Variants in TPTE2 observed in about 807,000 individuals in gnomAD.
TPTE2 encodes transmembrane phosphoinositide 3-phosphatase and tensin homolog 2, also known as phosphatidylinositol 3,4,5-trisphosphate 3-phosphatase TPTE2.
A neutral mutation model predicts 78.6 loss-of-function variants in TPTE2; 53 were observed. The ratio of observed to expected loss-of-function variants is 0.67; its 90% CI spans 0.54 to 0.85. TPTE2 has a LOEUF of 0.85. TPTE2 is among the 40% of genes least tolerant of loss of function. TPTE2 has a pLI of 0.00. For missense variants in TPTE2, 461 were observed against 623.0 expected (o/e 0.74, Z 2.77); for synonymous variants, 175 against 206.2 (o/e 0.85, Z 1.30).
chr13:19,489,607 C>T (rs1261231730), intron 3 of TPTE2, among the ~76,000 whole-genome samples: 1 of 149,296 alleles, frequency 6.7e-6, no homozygotes, highest in African/African-American at 2.5e-5. Context: ...TATATATACA[C>T]ACATTTAAAT....
At chr13:19,443,737 TACACACACACACAC>T (rs373060672) in intron 13 of TPTE2, among the ~76,000 whole-genome samples, 67 of 129,864 alleles carry the variant, frequency 5.2e-4, no homozygotes, top group Admixed American at 7.6e-4. Context: ...TGGTAGCTAA[TACACACACACACAC>T]ACACACACAC....
chr13:19,445,567 AAGAC>A (rs1251655687), intron 13 of TPTE2, among the ~76,000 whole-genome samples: 10 of 152,240 alleles, frequency 6.6e-5, no homozygotes, highest in South Asian at 2.1e-4. Context: ...TCATTACCCT[AAGAC>A]AGAACAATTT....
chr13:19,473,112 G>C (rs1255868982), intron 6 of TPTE2, among the ~76,000 whole-genome samples: 4 of 152,198 alleles, frequency 2.6e-5, no homozygotes, highest in Non-Finnish European at 4.4e-5. Flanking sequence ...AGTGACACAA[G>C]CACCCCTGTG....
At chr13:19,540,491 G>C (rs886227615), upstream of TPTE2, among the ~76,000 whole-genome samples, 1 of 151,806 alleles carries the variant, frequency 6.6e-6, no homozygotes, top group Non-Finnish European at 1.5e-5. Context: ...TTTTAGTAGA[G>C]ATGGGGTTTC....
intron 3 of TPTE2, among the ~76,000 whole-genome samples, chr13:19,488,901 A>G (rs1880815647): frequency 6.6e-6 from 1 of 152,174 alleles, no homozygotes; most frequent in Non-Finnish European, 1.5e-5. Flanking sequence ...CAAGAAGTCT[A>G]GCCTTGCTCA....
the TPTE2 span, among the ~76,000 whole-genome samples, chr13:19,556,392 G>T: frequency 6.6e-6 from 1 of 152,102 alleles, no homozygotes; most frequent in African/African-American, 2.4e-5. Flanking sequence ...CACATGAGTA[G>T]GTGCTACATG....
the TPTE2 span, among the ~76,000 whole-genome samples, chr13:19,553,250 C>A: frequency 6.6e-6 from 1 of 152,186 alleles, no homozygotes; most frequent in African/African-American, 2.4e-5. Flanking sequence ...CTAATTACCA[C>A]CATCATATTA....
chr13:19,539,190 G>C (rs143658533), upstream of TPTE2, among the ~76,000 whole-genome samples: 125 of 152,322 alleles, frequency 8.2e-4, 1 homozygote, highest in African/African-American at 2.9e-3. Flanking sequence ...CCACATTGGG[G>C]ATTAAGGGTC....
chr13:19,531,791 G>A (rs767088861), intron 1 of TPTE2, among the ~76,000 whole-genome samples: 18 of 152,176 alleles, frequency 1.2e-4, no homozygotes, highest in African/African-American at 4.1e-4. Flanking sequence ...GCCAGGCATG[G>A]TGGCACACAC....
chr13:19,547,651 T>C, the TPTE2 span, among the ~76,000 whole-genome samples: 7 of 148,304 alleles, frequency 4.7e-5, no homozygotes, highest in African/African-American at 1.5e-4. Context: ...AACTATGAAA[T>C]GAATAAGGTC....
At chr13:19,487,578 G>T (rs1003895225) in intron 3 of TPTE2, among the ~76,000 whole-genome samples, 4 of 152,088 alleles carry the variant, frequency 2.6e-5, no homozygotes, top group African/African-American at 7.2e-5. Flanking sequence ...CCTCTGTCTG[G>T]AAGTGTGGTG....
At chr13:19,553,455 G>C in the TPTE2 span, among the ~76,000 whole-genome samples, 8 of 152,046 alleles carry the variant, frequency 5.3e-5, no homozygotes. Context: ...TCACCCAAGA[G>C]ATAATACATG....
intron 10 of TPTE2, among the ~76,000 whole-genome samples, chr13:19,463,413 C>T (rs1171226398): frequency 6.6e-6 from 1 of 152,134 alleles, no homozygotes; most frequent in Non-Finnish European, 1.5e-5. Flanking sequence ...ATTGATTTGT[C>T]TATCTGTATT....
At chr13:19,423,518 T>A (rs112324233) in intron 19 of TPTE2, among the ~76,000 whole-genome samples, 2,924 of 152,258 alleles carry the variant, frequency 0.019, 60 homozygotes, top group East Asian at 0.065. Flanking sequence ...TTAATTTATG[T>A]GTGAAGTTGC....
intron 4 of TPTE2, among the ~76,000 whole-genome samples, chr13:19,478,333 A>T (rs1880101887): frequency 6.6e-6 from 1 of 152,202 alleles, no homozygotes; most frequent in Non-Finnish European, 1.5e-5. Flanking sequence ...AAACAACCCC[A>T]TCAAAAAGTG....
chr13:19,501,645 A>C (rs575734550), intron 1 of TPTE2, among the ~76,000 whole-genome samples: 3,214 of 152,152 alleles, frequency 0.021, 121 homozygotes, highest in African/African-American at 0.074. Flanking sequence ...TTATACAAAA[A>C]TCAATTCAAG....
chr13:19,556,082 A>G, the TPTE2 span, among the ~76,000 whole-genome samples: 58 of 152,008 alleles, frequency 3.8e-4, no homozygotes, highest in East Asian at 0.011. Context: ...CAAAGTGCTG[A>G]GATTATAGGC....
intron 3 of TPTE2, among the ~76,000 whole-genome samples, chr13:19,488,250 G>A (rs570251546): frequency 1.3e-5 from 2 of 152,258 alleles, no homozygotes; most frequent in South Asian, 2.1e-4. Context: ...AGCATAATTC[G>A]TAAGGGCCCT....
At chr13:19,489,762 T>C (rs1183430981) in intron 3 of TPTE2, among the ~76,000 whole-genome samples, 2 of 10,840 alleles carry the variant, frequency 1.8e-4, no homozygotes, top group Admixed American at 3.5e-3. Context: ...ATGTGTGTTA[T>C]ATGTGTGTGT....
Sources: allele counts gnomAD v4.1 joint callset (sites outside exome capture counted in the v4.1 genomes callset), GRCh38; gene constraint gnomAD v4.1.1; transcripts MANE v1.5; gene names NCBI Gene and HGNC (gene_info 2026-07-23, HGNC 2026-07-21).